GPR63: variants seen among roughly 807,000 people sequenced by gnomAD.
GPR63 encodes probable G protein-coupled receptor 63.
A neutral mutation model predicts 23.1 loss-of-function variants in GPR63; 12 were observed. That is an observed-to-expected ratio of 0.52 (90% CI 0.33 to 0.84). The LOEUF is 0.84. Among genes scored for constraint, GPR63 ranks in the 40% least tolerant of loss-of-function variants. The pLI, the probability that GPR63 is intolerant of heterozygous loss-of-function variation, is 0.02. For missense variants in GPR63, 472 were observed against 515.6 expected (o/e 0.92, Z 0.82); for synonymous variants, 172 against 191.1 (o/e 0.90, Z 0.82).
intron 1 of GPR63, among the ~76,000 whole-genome samples, chr6:96,817,685 G>A (rs889003824): frequency 3.3e-5 from 5 of 151,870 alleles, no homozygotes; most frequent in African/African-American, 9.7e-5. Context: ...CTACTATAAC[G>A]CAACACATGG....
At chr6:96,834,378 G>A (rs184364538) in intron 1 of GPR63, among the ~76,000 whole-genome samples, 1 of 152,114 alleles carries the variant, frequency 6.6e-6, no homozygotes, top group Admixed American at 6.6e-5. Flanking sequence ...AAAATTCCCC[G>A]GAAATTGAAA....
intron 1 of GPR63, among the ~76,000 whole-genome samples, chr6:96,807,249 A>T (rs1461576180): frequency 6.6e-6 from 1 of 152,224 alleles, no homozygotes; most frequent in East Asian, 1.9e-4. Flanking sequence ...AGGATTCATG[A>T]ACAACATAGC....
At chr6:96,825,542 G>C (rs1198639652) in intron 1 of GPR63, among the ~76,000 whole-genome samples, 2 of 151,850 alleles carry the variant, frequency 1.3e-5, no homozygotes, top group Non-Finnish European at 2.9e-5. Context: ...TTCCAACCTA[G>C]AATCTAGATA....
rs1773536263 is a variant in GPR63 at position 96,794,620 on chromosome 6, G to A, written c.*3852C>T. On this transcript the variant is annotated 3_prime_UTR_variant, in exon 2 of 2. Transcript: ENST00000229955. ...GCAACAGAAATACACATATTAAAAAGGTTATTTTTATTTTACTTCAATGCT... is the reference window on the plus strand; with the variant it reads ...GCAACAGAAATACACATATTAAAAAAGTTATTTTTATTTTACTTCAATGCT... 1 of 152,054 alleles carries A rather than the reference G, an allele frequency of 6.6e-6. No individual in the cohort carries two copies. Among genetic ancestry groups the A allele is most frequent in the East Asian group, 1.9e-4 (1 of 5,198 alleles). 9.4% of individuals were successfully genotyped at this position (152,054 alleles called of 1,614,324 possible). A position where few individuals can be genotyped will look rare whatever the true frequency, so the allele number is the denominator to read the frequency against.
rs553472197 is a variant in GPR63, at chr6:96,794,973, G to T, written c.*3499C>A. On this transcript the variant is annotated 3_prime_UTR_variant, in exon 2 of 2. Coordinates refer to ENST00000229955, the MANE Select transcript of GPR63 (RefSeq NM_030784.4). ...CCTAGAAGATAATGGCTTGCAACACGAAACAAACATTGTGGGATAAAACAG... is the reference window on the plus strand; with the variant it reads ...CCTAGAAGATAATGGCTTGCAACACTAAACAAACATTGTGGGATAAAACAG... 6.6e-6 allele frequency: 1 copy of T among 152,158 alleles called. No homozygotes were observed. The highest frequency in any genetic ancestry group is 1.5e-5 in the Non-Finnish European group (1 of 68,022). 9.4% of individuals were successfully genotyped at this position (152,158 alleles called of 1,614,324 possible). A position where few individuals can be genotyped will look rare whatever the true frequency, so the allele number is the denominator to read the frequency against.
intron 1 of GPR63, among the ~76,000 whole-genome samples, chr6:96,834,818 T>C (rs888480860): frequency 6.6e-6 from 1 of 152,208 alleles, no homozygotes. Flanking sequence ...TTTATACATA[T>C]TGTTTTTCCA....
intron 1 of GPR63, among the ~76,000 whole-genome samples, chr6:96,808,288 A>G (rs1460989815): frequency 6.6e-6 from 1 of 152,244 alleles, no homozygotes; most frequent in African/African-American, 2.4e-5. Context: ...TGCATGAAAA[A>G]TACAAATACT....
At chr6:96,834,618 A>G (rs530241683) in intron 1 of GPR63, among the ~76,000 whole-genome samples, 1 of 152,232 alleles carries the variant, frequency 6.6e-6, no homozygotes, top group East Asian at 1.9e-4. Flanking sequence ...GGTGATTTGC[A>G]GCAAATATAA....
chr6:96,808,888 T>G (rs536630649), intron 1 of GPR63, among the ~76,000 whole-genome samples: 1 of 152,278 alleles, frequency 6.6e-6, no homozygotes, highest in Non-Finnish European at 1.5e-5. Flanking sequence ...ACTCATCATT[T>G]AGCATTAGGT....
At chr6:96,824,873 C>A (rs1774400709) in intron 1 of GPR63, among the ~76,000 whole-genome samples, 1 of 152,110 alleles carries the variant, frequency 6.6e-6, no homozygotes, top group Non-Finnish European at 1.5e-5. Flanking sequence ...ACACTAAAAG[C>A]TTTGCAAGAT....
rs1773644646 is a variant in GPR63, at chr6:96,798,279, G to A, written c.*193C>T. On this transcript the variant is annotated 3_prime_UTR_variant, in exon 2 of 2. Coordinates refer to ENST00000229955, the MANE Select transcript of GPR63 (RefSeq NM_030784.4). ...TTGAGGATTTCTATTGAACCCTGGA[G>A]GTAATATTTGTAATCACTTTCCTAT... 1 of 588,018 alleles carries A rather than the reference G, an allele frequency of 1.7e-6. No individual in the cohort carries two copies. Among genetic ancestry groups the A allele is most frequent in the Admixed American group, 3.4e-5 (1 of 29,680 alleles). The allele number at this position is 588,018 out of a possible 1,614,324, so 36.4% of individuals were successfully genotyped here.
At chr6:96,804,761 A>G (rs1773854107) in intron 1 of GPR63, among the ~76,000 whole-genome samples, 1 of 152,042 alleles carries the variant, frequency 6.6e-6, no homozygotes, top group South Asian at 2.1e-4. Flanking sequence ...GTAAGTATAG[A>G]TGTAGATTTA....
intron 1 of GPR63, among the ~76,000 whole-genome samples, chr6:96,833,588 A>G (rs1282846826): frequency 6.6e-6 from 1 of 152,238 alleles, no homozygotes; most frequent in Non-Finnish European, 1.5e-5. Flanking sequence ...TTTCCACAGA[A>G]AAGAATTTGC....
Position 96,799,205 on chromosome 6 carries a change from C to T in GPR63, c.527G>A (p.Ser176Asn). ...IEGVAILLII[S>N]IDRFLIIVQR... Reference sequence around the variant, plus strand: ...GACTATAATAAGGAACCTATCTATGCTAATGATGAGCAGGATGGCTACTCC... The same window carrying T: ...GACTATAATAAGGAACCTATCTATGTTAATGATGAGCAGGATGGCTACTCC... The change falls in exon 2 of 2, where the codon AGC becomes AAC. Residue 176 changes from serine to asparagine, a missense_variant. Ser to Asn is a conservative substitution (Grantham distance 46, BLOSUM62 1). Coordinates refer to ENST00000229955, the MANE Select transcript of GPR63 (RefSeq NM_030784.4). The T allele has an allele frequency of 1.9e-6, 3 of 1,614,142 alleles. No individual in the cohort carries two copies. The highest frequency in any genetic ancestry group is 2.5e-6 in the Non-Finnish European group (3 of 1,180,030).
intron 1 of GPR63, among the ~76,000 whole-genome samples, chr6:96,836,586 G>A (rs1358699752): frequency 2.1e-5 from 3 of 146,330 alleles, no homozygotes; most frequent in African/African-American, 7.6e-5. Flanking sequence ...TTTTCATAAA[G>A]ATATGTTGTT....
chr6:96,827,560 C>G (rs1774475650), intron 1 of GPR63, among the ~76,000 whole-genome samples: 1 of 151,994 alleles, frequency 6.6e-6, no homozygotes, highest in African/African-American at 2.4e-5. Flanking sequence ...AATTCATACC[C>G]AAAAACATCA....
intron 1 of GPR63, among the ~76,000 whole-genome samples, chr6:96,814,221 A>C (rs1048830661): frequency 1.1e-4 from 17 of 152,172 alleles, no homozygotes; most frequent in Non-Finnish European, 2.1e-4. Flanking sequence ...AAGCTGAGCC[A>C]CAAGGAAACT....
chr6:96,821,015 C>T (rs1774301196), intron 1 of GPR63, among the ~76,000 whole-genome samples: 1 of 152,122 alleles, frequency 6.6e-6, no homozygotes, highest in African/African-American at 2.4e-5. Context: ...TGAGCACTCC[C>T]ACACTCTTCC....
chr6:96,799,412 T>C lies in GPR63; in HGVS notation c.320A>G (p.Tyr107Cys). Residue 107 changes from tyrosine (Y) to cysteine (C), a missense_variant, in exon 2 of 2, where the codon TAC becomes TGC. Transcript: ENST00000229955. ...LGNLVVCLMV[Y>C]QKAAMRSAIN... Reference sequence around the variant, plus strand: ...TGCAGACCTCATGGCAGCTTTTTGGTAAACCATGAGGCAAACAACCAAGTT... The same window carrying C: ...TGCAGACCTCATGGCAGCTTTTTGGCAAACCATGAGGCAAACAACCAAGTT... The C allele has an allele frequency of 6.2e-7, 1 of 1,614,108 alleles. No homozygotes were observed. Among genetic ancestry groups the C allele is most frequent in the Admixed American group, 1.7e-5 (1 of 60,006 alleles).
Sources: allele counts gnomAD v4.1 joint callset (sites outside exome capture counted in the v4.1 genomes callset), GRCh38; gene constraint gnomAD v4.1.1; transcripts MANE v1.5; gene names NCBI Gene and HGNC (gene_info 2026-07-23, HGNC 2026-07-21).